Variants in HIVEP3 observed in about 807,000 individuals in gnomAD.
The protein encoded by HIVEP3 is HIVEP zinc finger 3.
HIVEP3 carries 49 observed loss-of-function variants against 152.8 expected under a neutral mutation model. The observed-to-expected ratio is 0.32, with a 90% CI of 0.26 to 0.41. The LOEUF (loss-of-function observed/expected upper bound fraction) is 0.41. Among genes scored for constraint, HIVEP3 ranks in the 10% least tolerant of loss-of-function variants. The pLI is 1.00. For synonymous variants in HIVEP3, 1,269 were observed against 1,289.0 expected, an observed-to-expected ratio of 0.98 and a Z score of 0.33; for missense variants, 2,790 against 3,103.3, an observed-to-expected ratio of 0.90 and a Z score of 2.40.
intron 1 of HIVEP3, among the ~76,000 whole-genome samples, chr1:41,932,780 G>T (rs931399982): frequency 2.6e-5 from 4 of 151,508 alleles, no homozygotes; most frequent in Non-Finnish European, 5.9e-5. Context: ...ACTGATTGAA[G>T]ACCTTTCCTC....
intron 1 of HIVEP3, among the ~76,000 whole-genome samples, chr1:41,815,297 G>C (rs922060551): frequency 5.9e-5 from 9 of 152,026 alleles, no homozygotes; most frequent in Non-Finnish European, 1.2e-4. Context: ...AACATAGTGG[G>C]ACCCTTTCTC....
At chr1:41,667,174 C>G (rs1162219881) in intron 2 of HIVEP3, among the ~76,000 whole-genome samples, 1 of 152,230 alleles carries the variant, frequency 6.6e-6, no homozygotes, top group African/African-American at 2.4e-5. Flanking sequence ...CCCTTAGATT[C>G]TGCATCTCTG....
chr1:41,863,489 C>T (rs1643915137), intron 1 of HIVEP3, among the ~76,000 whole-genome samples: 2 of 152,158 alleles, frequency 1.3e-5, no homozygotes, highest in South Asian at 4.1e-4. Context: ...GAGGTGATAC[C>T]ATGTGCCAGT....
At chr1:41,779,750 G>A in intron 1 of HIVEP3, among the ~76,000 whole-genome samples, 1 of 152,192 alleles carries the variant, frequency 6.6e-6, no homozygotes, top group East Asian at 1.9e-4. Context: ...GTCCACCTTG[G>A]CCTCCCAAAG....
chr1:41,745,925 G>A (rs143050793), intron 1 of HIVEP3, among the ~76,000 whole-genome samples: 2 of 152,196 alleles, frequency 1.3e-5, no homozygotes, highest in Non-Finnish European at 2.9e-5. Context: ...CATGATGCCT[G>A]GCATCAAGAA....
chr1:41,850,772 T>G (rs1643575075), intron 1 of HIVEP3, among the ~76,000 whole-genome samples: 1 of 152,228 alleles, frequency 6.6e-6, no homozygotes, highest in Admixed American at 6.5e-5. Flanking sequence ...ATAGCACACG[T>G]GGAGGGTTCC....
intron 1 of HIVEP3, among the ~76,000 whole-genome samples, chr1:41,798,712 T>C (rs565217458): frequency 3.3e-5 from 5 of 152,362 alleles, no homozygotes; most frequent in Admixed American, 6.5e-5. Context: ...TAATCTATTG[T>C]GTGTTTGCAT....
At chr1:41,545,019 A>ATCACCG (rs1282536501) in intron 5 of HIVEP3, among the ~76,000 whole-genome samples, 108 of 98,302 alleles carry the variant, frequency 1.1e-3, no homozygotes, top group Non-Finnish European at 1.7e-3. Flanking sequence ...CACCACCACT[A>ATCACCG]CCACCACCAC....
rs112580435 is a variant in HIVEP3 at position 41,717,293 on chromosome 1, T to C, written c.-800-16298A>G. On this transcript the variant is annotated intron_variant, in intron 1 of 8. Transcript: ENST00000372583. ...CAATATTTGTTGAATACCTACTTTG[T>C]GTCAGGCGCTATTCTAGGCGGTGAA... 5.2e-3 allele frequency among the ~76,000 whole-genome samples: 797 copies of C among 152,360 alleles called. 7 individuals are homozygous for C. Among genetic ancestry groups the C allele is most frequent in the African/African-American group, 0.019 (771 of 41,596 alleles).
chr1:41,569,350 T>C (rs946119054), intron 5 of HIVEP3, among the ~76,000 whole-genome samples: 2 of 152,148 alleles, frequency 1.3e-5, no homozygotes, highest in Admixed American at 1.3e-4. Context: ...CCAACCCTCC[T>C]GTGGTATGTG....
chr1:41,649,722 G>A (rs1645517439), intron 2 of HIVEP3, among the ~76,000 whole-genome samples: 2 of 152,170 alleles, frequency 1.3e-5, no homozygotes, highest in Non-Finnish European at 2.9e-5. Context: ...GCGGGGAGGG[G>A]TGCTCTGGAG....
intron 1 of HIVEP3, among the ~76,000 whole-genome samples, chr1:41,841,628 C>T (rs975078170): frequency 2.6e-5 from 4 of 152,168 alleles, no homozygotes; most frequent in African/African-American, 7.2e-5. Flanking sequence ...TGCCCAAAAC[C>T]GCTGACTTCG....
chr1:41,617,931 C>G (rs760789808), intron 3 of HIVEP3, among the ~76,000 whole-genome samples: 9 of 152,218 alleles, frequency 5.9e-5, no homozygotes, highest in Non-Finnish European at 1.3e-4. Flanking sequence ...GCAATGACCG[C>G]ACCAGGCTCA....
intron 1 of HIVEP3, among the ~76,000 whole-genome samples, chr1:41,781,368 A>G (rs776472835): frequency 2.7e-4 from 41 of 152,330 alleles, no homozygotes; most frequent in Non-Finnish European, 2.1e-4. Flanking sequence ...CCATTTCTTA[A>G]TGATCTCCTT....
intron 1 of HIVEP3, among the ~76,000 whole-genome samples, chr1:41,817,333 G>A (rs752257499): frequency 1.3e-5 from 2 of 152,218 alleles, no homozygotes; most frequent in Non-Finnish European, 2.9e-5. Flanking sequence ...AAGTGATGCA[G>A]AGAGGAGGAT....
intron 1 of HIVEP3, among the ~76,000 whole-genome samples, chr1:41,708,674 T>C (rs1258621658): frequency 4.6e-5 from 7 of 152,232 alleles, no homozygotes; most frequent in Non-Finnish European, 1.0e-4. Context: ...TTTGCTTAAG[T>C]TATCTCAAGT....
chr1:41,836,091 CG>C (rs1461414485), intron 1 of HIVEP3, among the ~76,000 whole-genome samples: 2 of 152,176 alleles, frequency 1.3e-5, no homozygotes, highest in Admixed American at 6.5e-5. Context: ...CCTGAGCTTT[CG>C]TGCATGTTTT....
At chr1:41,589,271 A>G (rs1644551435) in intron 3 of HIVEP3, among the ~76,000 whole-genome samples, 1 of 152,230 alleles carries the variant, frequency 6.6e-6, no homozygotes, top group South Asian at 2.1e-4. Flanking sequence ...ATGGGCCATG[A>G]GGCCAGTGAG....
At chr1:41,705,580 G>C (rs1192254520) in intron 1 of HIVEP3, among the ~76,000 whole-genome samples, 1 of 152,240 alleles carries the variant, frequency 6.6e-6, no homozygotes, top group Non-Finnish European at 1.5e-5. Context: ...GCAAAATCCA[G>C]ATGTAAAAGA....
Sources: allele counts gnomAD v4.1 joint callset (sites outside exome capture counted in the v4.1 genomes callset), GRCh38; gene constraint gnomAD v4.1.1; transcripts MANE v1.5; gene names NCBI Gene and HGNC (gene_info 2026-07-23, HGNC 2026-07-21).